PIP5K1B: variants seen among roughly 807,000 people sequenced by gnomAD.
The protein encoded by PIP5K1B is phosphatidylinositol-4-phosphate 5-kinase type 1 beta.
PIP5K1B carries 42 observed loss-of-function variants against 67.0 expected under a neutral mutation model. The ratio of observed to expected loss-of-function variants is 0.63; its 90% confidence interval spans 0.49 to 0.81. PIP5K1B has a LOEUF of 0.81. Ranked by LOEUF, PIP5K1B falls within the 30% of genes least tolerant of loss-of-function variation. The probability of loss-of-function intolerance (pLI) is 0.00; values close to 1 mark genes in which losing one functional copy is unlikely to be tolerated. For synonymous variants in PIP5K1B, 214 were observed against 231.4 expected (o/e 0.92, Z 0.68); for missense variants, 459 against 646.3 (o/e 0.71, Z 3.14).
chr9:68,826,777 A>C (rs556067466), intron 4 of PIP5K1B, among the ~76,000 whole-genome samples: 1 of 152,100 alleles, frequency 6.6e-6, no homozygotes, highest in Non-Finnish European at 1.5e-5. Context: ...TTTGAGATGG[A>C]GTCTCACTCT....
At chr9:68,761,822 C>A (rs1830198313) in intron 2 of PIP5K1B, among the ~76,000 whole-genome samples, 1 of 152,128 alleles carries the variant, frequency 6.6e-6, no homozygotes, top group South Asian at 2.1e-4. Context: ...GATTAGCAAT[C>A]TTAACTTCAC....
intron 3 of PIP5K1B, among the ~76,000 whole-genome samples, chr9:68,820,771 GA>G (rs1302392215): frequency 1.3e-5 from 2 of 152,172 alleles, no homozygotes; most frequent in Non-Finnish European, 2.9e-5. Flanking sequence ...GTTTACCACA[GA>G]AGTAGCATAA....
chr9:68,725,703 C>A lies in PIP5K1B; in HGVS notation c.-242-16798C>A, dbSNP rs145206818. Among the ~76,000 whole-genome samples the A allele has an allele frequency of 4.3e-3, 657 of 152,242 alleles. 5 individuals carry two copies. The highest frequency in any genetic ancestry group is 0.015 in the African/African-American group (637 of 41,530). ...GATGAGGAGAGTGGCATGCTTTTAT[C>A]TTTAAAAAGAGACGAACCCTGAATG... On this transcript the variant is annotated intron_variant, in intron 1 of 15. Transcript: ENST00000265382.
At chr9:68,929,567 C>G (rs1329890987) in intron 12 of PIP5K1B, among the ~76,000 whole-genome samples, 1 of 152,198 alleles carries the variant, frequency 6.6e-6, no homozygotes, top group Admixed American at 6.5e-5. Context: ...TCAGTGTTCT[C>G]CAGTGGCTTT....
chr9:68,835,837 A>AT (rs9314823), intron 4 of PIP5K1B, among the ~76,000 whole-genome samples: 41,742 of 144,224 alleles, frequency 0.29, 6,671 homozygotes, highest in Non-Finnish European at 0.37. Flanking sequence ...TAGAAAGTGA[A>AT]TTTTTTTTTT....
intron 3 of PIP5K1B, among the ~76,000 whole-genome samples, chr9:68,821,873 A>G (rs1273350326): frequency 6.6e-6 from 1 of 152,246 alleles, no homozygotes; most frequent in Non-Finnish European, 1.5e-5. Flanking sequence ...ACACAGTGGT[A>G]TATCTTGCAA....
At chr9:68,884,179 A>T (rs977843030) in intron 6 of PIP5K1B, among the ~76,000 whole-genome samples, 5 of 152,180 alleles carry the variant, frequency 3.3e-5, no homozygotes, top group African/African-American at 1.2e-4. Context: ...AAGCTTCTGC[A>T]CTACAAAGGA....
intron 2 of PIP5K1B, among the ~76,000 whole-genome samples, chr9:68,784,995 C>A (rs1476168917): frequency 6.6e-6 from 1 of 152,012 alleles, no homozygotes; most frequent in East Asian, 1.9e-4. Context: ...CATTTGGAAG[C>A]TTGAGTGCAG....
intron 2 of PIP5K1B, among the ~76,000 whole-genome samples, chr9:68,764,903 TAAATAAAACTAATTTTA>T (rs1587408593): frequency 6.6e-6 from 1 of 152,058 alleles, no homozygotes. Flanking sequence ...CATTTTAAGC[TAAATAAAACTAATTTTA>T]AAATAAAACT....
chr9:68,972,620 G>A (rs898338275), intron 14 of PIP5K1B, among the ~76,000 whole-genome samples: 2 of 152,124 alleles, frequency 1.3e-5, no homozygotes, highest in Non-Finnish European at 2.9e-5. Flanking sequence ...CATCCTGAGC[G>A]ACAGAGCAAG....
At chr9:68,708,786 C>T (rs779718196) in intron 1 of PIP5K1B, among the ~76,000 whole-genome samples, 23 of 152,106 alleles carry the variant, frequency 1.5e-4, no homozygotes, top group Non-Finnish European at 2.9e-4. Flanking sequence ...TCTACTCCTC[C>T]TCTTTATATA....
At chr9:68,851,767 A>G (rs1489333256) in intron 4 of PIP5K1B, among the ~76,000 whole-genome samples, 1 of 152,236 alleles carries the variant, frequency 6.6e-6, no homozygotes, top group Admixed American at 6.5e-5. Flanking sequence ...GCATAGAGGC[A>G]AGAGGATCTC....
rs12115535 is a variant in PIP5K1B at position 68,906,771 on chromosome 9, G to A, written c.772-10777G>A. Among the ~76,000 whole-genome samples, 885 of 152,290 alleles carry A rather than the reference G, an allele frequency of 5.8e-3. 10 individuals are homozygous for A. Among genetic ancestry groups the A allele is most frequent in the African/African-American group, 0.02 (834 of 41,546 alleles). On this transcript the variant is annotated intron_variant, in intron 8 of 15. Coordinates refer to ENST00000265382, the MANE Select transcript of PIP5K1B (RefSeq NM_003558.4). ...ATTCAGCCAGCTCCAGATGTTCCAAGGACAAACCATTATCACGACCAACTC... is the reference window on the plus strand; with the variant it reads ...ATTCAGCCAGCTCCAGATGTTCCAAAGACAAACCATTATCACGACCAACTC...
chr9:68,712,403 A>C (rs1827437206), intron 1 of PIP5K1B, among the ~76,000 whole-genome samples: 1 of 152,218 alleles, frequency 6.6e-6, no homozygotes, highest in African/African-American at 2.4e-5. Flanking sequence ...GCAATGCAAA[A>C]ACAGATTAAC....
intron 12 of PIP5K1B, among the ~76,000 whole-genome samples, chr9:68,924,721 A>G (rs912679899): frequency 5.9e-5 from 9 of 152,198 alleles, no homozygotes; most frequent in Non-Finnish European, 1.2e-4. Context: ...GCCATACACA[A>G]CTGAAAAAGT....
intron 15 of PIP5K1B, among the ~76,000 whole-genome samples, chr9:68,998,141 G>T (rs1224106906): frequency 6.6e-6 from 1 of 151,068 alleles, no homozygotes; most frequent in Admixed American, 6.6e-5. Flanking sequence ...TGCAATCTTG[G>T]CTCACTGCAA....
At chr9:68,747,825 A>T (rs1220467883) in intron 2 of PIP5K1B, among the ~76,000 whole-genome samples, 3 of 152,218 alleles carry the variant, frequency 2.0e-5, no homozygotes, top group Non-Finnish European at 4.4e-5. Context: ...TTTGATCCAC[A>T]GTATGGTTTA....
intron 15 of PIP5K1B, among the ~76,000 whole-genome samples, chr9:69,002,841 G>A (rs1372882191): frequency 6.6e-6 from 1 of 152,066 alleles, no homozygotes. Context: ...AAATTAGCTG[G>A]GCATGGAGGC....
chr9:68,850,931 T>C (rs1252968565), intron 4 of PIP5K1B, among the ~76,000 whole-genome samples: 1 of 152,202 alleles, frequency 6.6e-6, no homozygotes, highest in Non-Finnish European at 1.5e-5. Context: ...GAAAGACTAA[T>C]ATAACAGCAA....
Sources: allele counts gnomAD v4.1 joint callset (sites outside exome capture counted in the v4.1 genomes callset), GRCh38; gene constraint gnomAD v4.1.1; transcripts MANE v1.5; gene names NCBI Gene and HGNC (gene_info 2026-07-23, HGNC 2026-07-21).